Variants in CREB1 observed in about 807,000 individuals in gnomAD.
CREB1 encodes the protein cyclic AMP-responsive element-binding protein 1.
In CREB1, 2 loss-of-function variants were observed where a neutral mutation model predicts 42.0. That is an observed-to-expected ratio of 0.05 (90% CI 0.02 to 0.15). The LOEUF is 0.15. CREB1 is among the 10% of genes least tolerant of loss of function. The pLI, the probability that CREB1 is intolerant of heterozygous loss-of-function variation, is 1.00. For missense variants in CREB1, 199 were observed against 388.9 expected (o/e 0.51, Z 4.11); for synonymous variants, 123 against 139.9 (o/e 0.88, Z 0.85).
Position 207,581,931 on chromosome 2 carries a change from AT to A in CREB1, c.839+4279del, listed in dbSNP as rs1262363138. 5.7e-6 allele frequency: 4 copies of A among 702,804 alleles called. No individual in the cohort carries two copies. The African/African-American group carries it at 7.0e-5, about 12-fold the overall frequency. The allele number at this position is 702,804 out of a possible 1,614,324, so 43.5% of individuals were successfully genotyped here. Reference sequence around the variant, plus strand: ...TCTTTTAGAATATCCCTCAGTTTGCATTTGTCCAGTGTTTTCTATGGATAGA... The same window carrying A: ...TCTTTTAGAATATCCCTCAGTTTGCATTGTCCAGTGTTTTCTATGGATAGA... On this transcript the variant is annotated intron_variant, in intron 7 of 7. Transcript: ENST00000353267.
chr2:207,588,297 A>T (rs759406203), intron 7 of CREB1, among the ~76,000 whole-genome samples: 2 of 152,076 alleles, frequency 1.3e-5, no homozygotes, highest in African/African-American at 4.8e-5. Context: ...TGAAAAGACT[A>T]TTCTTTCTCT....
chr2:207,532,796 G>T (rs1447909905), intron 1 of CREB1, among the ~76,000 whole-genome samples: 1 of 151,762 alleles, frequency 6.6e-6, no homozygotes, highest in Non-Finnish European at 1.5e-5. Context: ...TTATTGCCCA[G>T]GCTGGAGTGC....
Position 207,555,722 on chromosome 2 carries a change from C to T in CREB1, c.87C>T (p.Ala29=). 6.2e-7 allele frequency: 1 copy of T among 1,613,206 alleles called. No individual in the cohort carries two copies. The highest frequency in any genetic ancestry group is 8.5e-7 in the Non-Finnish European group (1 of 1,179,408). The change falls in exon 2 of 8, where the codon GCC becomes GCT. Residue 29 remains alanine (A), a synonymous_variant. Transcript: ENST00000353267. The part of the protein sequence containing the change: ...EAENQQMTVQ[A]QPQIATLAQV... ...AAAACCAACAAATGACAGTTCAAGC[C>T]CAGCCACAGATTGCCACATTAGCCC...
chr2:207,559,824 T>A (rs2081885600), intron 2 of CREB1, among the ~76,000 whole-genome samples: 1 of 152,188 alleles, frequency 6.6e-6, no homozygotes, highest in Non-Finnish European at 1.5e-5. Flanking sequence ...CAGTTATTTG[T>A]GTTTTTAAAA....
Position 207,531,344 on chromosome 2 carries a change from AATAGAC to A in CREB1, c.-9+1213_-9+1218del, listed in dbSNP as rs558013000. On this transcript the variant is annotated intron_variant, in intron 1 of 7. Transcript: ENST00000353267. ...AGATTGATTTAATACTACTACTAAA[AATAGAC>A]ATTAAAGTATCCATTATTTGTCTCA... Among the ~76,000 whole-genome samples the A allele has an allele frequency of 1.4e-3, 220 of 152,290 alleles. 1 individual carries two copies. The highest frequency in any genetic ancestry group is 5.0e-3 in the African/African-American group (207 of 41,552).
chr2:207,573,052 C>A (rs1466728700), intron 5 of CREB1, among the ~76,000 whole-genome samples: 1 of 152,116 alleles, frequency 6.6e-6, no homozygotes, highest in Non-Finnish European at 1.5e-5. Context: ...TTTTTTGTTT[C>A]AGTAAATAAA....
At chr2:207,582,197 T>C (rs542797350) in intron 7 of CREB1, 4 of 702,924 alleles carry the variant, frequency 5.7e-6, no homozygotes, top group African/African-American at 5.2e-5. Flanking sequence ...TGTGGTCATA[T>C]GTTAAAACCA....
At chr2:207,582,181 GAAATTT>G in intron 7 of CREB1, 2 of 702,870 alleles carry the variant, frequency 2.8e-6, no homozygotes, top group South Asian at 3.0e-5. Flanking sequence ...GAATATGAAA[GAAATTT>G]GTGGTCATAT....
At position 207,575,941 on chromosome 2, in the gene CREB1, C is replaced by A. The variant is rs986945301; in HGVS notation, c.688+487C>A. On this transcript the variant is annotated intron_variant, in intron 6 of 7. Coordinates refer to ENST00000353267, the MANE Select transcript of CREB1 (RefSeq NM_004379.5). The stretch of plus-strand genomic sequence containing the variant: ...GGATTCTGTTTCTCTGCTTCCCCCC[C>A]CCCCCCCAAAAGAAATTTAAATCTT... 7.3e-5 allele frequency among the ~76,000 whole-genome samples: 4 copies of A among 54,452 alleles called. 2 individuals carry two copies. The highest frequency in any genetic ancestry group is 2.1e-4 in the Non-Finnish European group (4 of 18,980). 35.7% of individuals were successfully genotyped at this position (54,452 alleles called of 152,430 possible).
Position 207,602,152 on chromosome 2 carries a change from A to T in CREB1, c.*5094A>T, listed in dbSNP as rs2087171653. On this transcript the variant is annotated 3_prime_UTR_variant, in exon 8 of 8. Coordinates refer to ENST00000353267, the MANE Select transcript of CREB1 (RefSeq NM_004379.5). ...GTATGTGTCCTCAGGGGGCAGACCG[A>T]CTTTAAGAGGGACCAGATAACGTTT... is the stretch of plus-strand genomic sequence containing the variant. 1 of 198,396 alleles carries T rather than the reference A, an allele frequency of 5.0e-6. No individual in the cohort carries two copies. The highest frequency in any genetic ancestry group is 2.3e-5 in the African/African-American group (1 of 43,334). 12.3% of individuals were successfully genotyped at this position (198,396 alleles called of 1,614,324 possible).
chr2:207,564,315 C>T (rs963121826), intron 3 of CREB1, among the ~76,000 whole-genome samples: 4 of 152,108 alleles, frequency 2.6e-5, no homozygotes, highest in Admixed American at 1.3e-4. Context: ...CAAGACCAGC[C>T]TGGGCAACAT....
At chr2:207,541,740 A>G (rs1028854844) in intron 1 of CREB1, among the ~76,000 whole-genome samples, 5 of 152,236 alleles carry the variant, frequency 3.3e-5, no homozygotes, top group Admixed American at 3.3e-4. Flanking sequence ...TGTACAGTTC[A>G]GTGGTTTTCA....
intron 1 of CREB1, among the ~76,000 whole-genome samples, chr2:207,551,569 G>T (rs955307516): frequency 6.6e-6 from 1 of 152,088 alleles, no homozygotes; most frequent in African/African-American, 2.4e-5. Flanking sequence ...ACAGATGGAT[G>T]GGAATATCTC....
intron 5 of CREB1, among the ~76,000 whole-genome samples, chr2:207,573,560 A>G (rs2082455284): frequency 6.6e-6 from 1 of 152,058 alleles, no homozygotes; most frequent in African/African-American, 2.4e-5. Flanking sequence ...ACATAGCAAA[A>G]CCCTGTCTCT....
intron 1 of CREB1, among the ~76,000 whole-genome samples, chr2:207,531,128 T>G (rs1027688044): frequency 6.6e-6 from 1 of 152,188 alleles, no homozygotes; most frequent in African/African-American, 2.4e-5. Flanking sequence ...TTTAATAAGG[T>G]AATCATCACT....
At chr2:207,548,965 C>G (rs2081398951) in intron 1 of CREB1, among the ~76,000 whole-genome samples, 1 of 152,102 alleles carries the variant, frequency 6.6e-6, no homozygotes, top group African/African-American at 2.4e-5. Flanking sequence ...TATAACTTTT[C>G]TTGCTTTGTA....
chr2:207,576,241 C>CTTTTTTTTTTTTTTTTTTATTTTTTTT (rs2082592834), intron 6 of CREB1, among the ~76,000 whole-genome samples: 1 of 101,068 alleles, frequency 9.9e-6, no homozygotes, highest in African/African-American at 3.8e-5. Flanking sequence ...CTTTTTTTGG[C>CTTTTTTTTTTTTTTTTTTATTTTTTTT]TTTTTTTTTT....
chr2:207,570,092 G>T, intron 4 of CREB1, 87 bp from the exon 5 acceptor site: 2 of 806,010 alleles, frequency 2.5e-6, no homozygotes, highest in Non-Finnish European at 3.7e-6. Flanking sequence ...GCAGCTTTCT[G>T]TGAGTTTTCT....
intron 3 of CREB1, 107 bp from the exon 4 acceptor site, chr2:207,567,356 C>G: frequency 1.5e-6 from 1 of 673,302 alleles, no homozygotes; most frequent in South Asian, 2.1e-5. Context: ...TGATTTTTTT[C>G]TACTGAAGCA....
Sources: allele counts gnomAD v4.1 joint callset (sites outside exome capture counted in the v4.1 genomes callset), GRCh38; gene constraint gnomAD v4.1.1; transcripts MANE v1.5; gene names NCBI Gene and HGNC (gene_info 2026-07-23, HGNC 2026-07-21).